The following GPR157 variants were observed in gnomAD, a reference collection of about 807,000 sequenced individuals.
The protein encoded by GPR157 is G-protein coupled receptor 157.
GPR157 carries 16 observed loss-of-function variants against 23.5 expected under a neutral mutation model. The observed-to-expected ratio is 0.68, with a 90% CI of 0.46 to 1.04. The LOEUF (loss-of-function observed/expected upper bound fraction) is 1.04. Among genes scored for constraint, GPR157 ranks in the 50% least tolerant of loss-of-function variants. The pLI is 0.00. For synonymous variants in GPR157, 200 were observed against 221.5 expected, an observed-to-expected ratio of 0.90 and a Z score of 0.86; for missense variants, 440 against 460.7, an observed-to-expected ratio of 0.96 and a Z score of 0.41.
chr1:9,112,088 G>A (rs979430157), intron 1 of GPR157, among the ~76,000 whole-genome samples: 7 of 152,208 alleles, frequency 4.6e-5, no homozygotes, highest in Non-Finnish European at 1.5e-5. Flanking sequence ...CAGGTTTCAG[G>A]CCTGTGGTGC....
At chr1:9,121,629 G>A (rs959487568) in intron 1 of GPR157, among the ~76,000 whole-genome samples, 2 of 152,174 alleles carry the variant, frequency 1.3e-5, no homozygotes, top group Non-Finnish European at 2.9e-5. Context: ...GACAGAGCTA[G>A]ACTCCATCTC....
intron 2 of GPR157, among the ~76,000 whole-genome samples, chr1:9,108,488 G>T (rs1638398328): frequency 6.6e-6 from 1 of 152,212 alleles, no homozygotes; most frequent in African/African-American, 2.4e-5. Context: ...ATCTGTAGAG[G>T]AGAGTCCTGG....
chr1:9,111,056 C>T (rs909387292), intron 2 of GPR157: 14 of 606,956 alleles, frequency 2.3e-5, no homozygotes, highest in Admixed American at 7.4e-5. Flanking sequence ...TAACAGGACC[C>T]GGCTCCTAAC....
intron 1 of GPR157, among the ~76,000 whole-genome samples, chr1:9,111,830 C>T (rs1462657775): frequency 6.6e-5 from 10 of 152,038 alleles, no homozygotes; most frequent in African/African-American, 9.7e-5. Context: ...ATTAGCTGGG[C>T]GTGGTGGTGC....
intron 1 of GPR157, among the ~76,000 whole-genome samples, chr1:9,123,517 T>TTAATTTAAATATACATTTAAAATATATC: frequency 2.6e-5 from 1 of 38,716 alleles, no homozygotes; most frequent in South Asian, 8.4e-4. Flanking sequence ...AAATATATAT[T>TTAATTTAAATATACATTTAAAATATATC]TAATTTAAAT....
intron 1 of GPR157, among the ~76,000 whole-genome samples, chr1:9,119,536 T>G (rs12758818): frequency 0.11 from 16,802 of 152,208 alleles, 1,013 homozygotes; most frequent in Middle Eastern, 0.2. Context: ...TAAATTTCTG[T>G]TGTCTAAGCC....
In GPR157 at chr1:9,116,358, A is replaced by AAATTATATATATTATATATATAATTATAT. The variant is rs1557698239; in HGVS notation, c.384-4870_384-4869insATATAATTATATATATAATATATATAATT. On this transcript the variant is annotated intron_variant, in intron 1 of 3. Transcript: ENST00000377411. ...ATATAATTTATATATAATTATATAT[A>AAATTATATATATTATATATATAATTATAT]AATTATATATATATATATTTTTTCA... Among the ~76,000 whole-genome samples the AAATTATATATATTATATATATAATTATAT allele has an allele frequency of 6.6e-3, 80 of 12,108 alleles. 12 individuals carry two copies. The East Asian group carries it at 0.15, about 23-fold the overall frequency. 7.9% of individuals were successfully genotyped at this position (12,108 alleles called of 152,430 possible).
chr1:9,118,760 G>T lies in GPR157; in HGVS notation c.384-7271C>A, dbSNP rs1312360373. On this transcript the variant is annotated intron_variant, in intron 1 of 3. Transcript: ENST00000377411. The surrounding 1 kb of genome is among the most constrained non-coding windows in gnomAD (Gnocchi z 4.6). ...TGGTCATAACTTAAGAGGAAAGGCT[G>T]GGCATGGTGGCTCACACCTGTAATC... 6.6e-6 allele frequency among the ~76,000 whole-genome samples: 1 copy of T among 152,170 alleles called. No individual in the cohort carries two copies. The highest frequency in any genetic ancestry group is 2.4e-5 in the African/African-American group (1 of 41,450).
chr1:9,105,576 G>A lies in GPR157; in HGVS notation c.702C>T (p.Phe234=), dbSNP rs761648079. Residue 234 remains phenylalanine (F), a synonymous_variant, in exon 3 of 4, where the codon TTC becomes TTT. Transcript: ENST00000377411. This position sits in a 1 kb window ranked among gnomAD's most constrained non-coding sequence, Gnocchi z 4.8. The part of the protein sequence containing the change: ...DKKLVLIPLI[F]IGLRVWSTVR... ...CGGTGCTCCAGACCCTGAGGCCGAT[G>A]AAGATGAGCGGGATGAGCACCAGCT... The A allele has an allele frequency of 2.7e-5, 43 of 1,609,996 alleles. No homozygotes were observed. Among genetic ancestry groups the A allele is most frequent in the Non-Finnish European group, 3.5e-5 (41 of 1,178,780 alleles).
At chr1:9,108,847 G>A (rs893808194) in intron 2 of GPR157, among the ~76,000 whole-genome samples, 2 of 151,722 alleles carry the variant, frequency 1.3e-5, no homozygotes, top group Admixed American at 6.6e-5. Flanking sequence ...GTGCAGTGGC[G>A]CGATCTCAGC....
chr1:9,123,112 C>T (rs1349608855), intron 1 of GPR157, among the ~76,000 whole-genome samples: 2 of 145,732 alleles, frequency 1.4e-5, no homozygotes, highest in Non-Finnish European at 1.5e-5. Flanking sequence ...GCCGAGAGAT[C>T]GCACCATTGT....
intron 1 of GPR157, among the ~76,000 whole-genome samples, chr1:9,124,648 GA>G (rs938928932): frequency 1.3e-5 from 2 of 152,184 alleles, no homozygotes; most frequent in African/African-American, 4.8e-5. Flanking sequence ...TCCCTTCTGA[GA>G]ATTTCTGGTC....
intron 2 of GPR157, among the ~76,000 whole-genome samples, chr1:9,107,654 A>G (rs1638373570): frequency 1.3e-5 from 2 of 152,170 alleles, no homozygotes; most frequent in Middle Eastern, 3.4e-3. Context: ...GCGCGGGCAC[A>G]GTGGCTCATG....
Position 9,111,468 on chromosome 1 carries a change from G to A in GPR157, c.405C>T (p.Ile135=), listed in dbSNP as rs1638494718. The A allele has an allele frequency of 6.2e-7, 1 of 1,613,856 alleles. No individual in the cohort carries two copies. The highest frequency in any genetic ancestry group is 1.1e-5 in the South Asian group (1 of 91,074). Residue 135 remains isoleucine (I), a synonymous_variant, in exon 2 of 4, where the codon ATC becomes ATT. Transcript: ENST00000377411. ...TCTTCAGGGCGACGGCTGCCACAGT[G>A]ATGACCAACGGGACCCCCCAGCTGA... ...HVVSWGVPLV[I]TVAAVALKKI...
At chr1:9,121,729 C>T (rs1267776819) in intron 1 of GPR157, among the ~76,000 whole-genome samples, 3 of 152,176 alleles carry the variant, frequency 2.0e-5, no homozygotes, top group Admixed American at 2.0e-4. Context: ...TTGGGACTTC[C>T]CACTGCCCCC....
intron 1 of GPR157, among the ~76,000 whole-genome samples, chr1:9,123,286 AAATT>A (rs1464122485): frequency 1.4e-4 from 4 of 29,126 alleles, no homozygotes; most frequent in African/African-American, 4.1e-4. Flanking sequence ...ATATATATTT[AAATT>A]AATATATATT....
rs780748220 is a variant in GPR157 at position 9,111,362 on chromosome 1, G to C, written c.511C>G (p.Leu171Val). Residue 171 changes from leucine (L) to valine (V), a missense_variant, in exon 2 of 4, where the codon CTG becomes GTG. Transcript: ENST00000377411. ...LEAKDHVLWM[L>V]LTGKLWEMLA... ...ATCTCCCACAGCTTCCCCGTCAGCA[G>C]CATCCACAGGACATGGTCCTTGGCC... 1.9e-6 allele frequency: 3 copies of C among 1,614,232 alleles called. No homozygotes were observed. In the South Asian group the frequency reaches 3.3e-5, roughly 18 times the overall value.
At chr1:9,107,537 C>A (rs1367935970) in intron 2 of GPR157, among the ~76,000 whole-genome samples, 12 of 152,178 alleles carry the variant, frequency 7.9e-5, no homozygotes, top group African/African-American at 2.4e-4. Flanking sequence ...GTAGTCCCAG[C>A]ACTTTGGGAG....
intron 1 of GPR157, among the ~76,000 whole-genome samples, chr1:9,114,728 A>G (rs774069175): frequency 6.6e-6 from 1 of 152,100 alleles, no homozygotes; most frequent in Non-Finnish European, 1.5e-5. Context: ...AGGGAAGGTC[A>G]AATAGGCAGA....
Sources: gnomAD v4.1 joint callset for allele counts (sites outside exome capture counted in the v4.1 genomes callset) on GRCh38, gnomAD v4.1.1 for gene constraint, Gnocchi (gnomAD v3.1) non-coding constraint, MANE v1.5 for transcripts, NCBI Gene and HGNC (gene_info 2026-07-23, HGNC 2026-07-21) for gene names.